Variants in ENPEP observed in about 807,000 individuals in gnomAD.
The protein encoded by ENPEP is AP-A.
ENPEP carries 103 observed loss-of-function variants against 114.5 expected under a neutral mutation model. The observed-to-expected ratio is 0.90, with a 90% CI of 0.77 to 1.06. ENPEP has a LOEUF of 1.06. ENPEP is among the 50% of genes least tolerant of loss of function. ENPEP has a pLI of 0.00. For missense variants in ENPEP, 1,196 were observed against 1,161.3 expected, an observed-to-expected ratio of 1.03 and a Z score of -0.43; for synonymous variants, 420 against 422.0, an observed-to-expected ratio of 1.00 and a Z score of 0.06.
intron 18 of ENPEP, among the ~76,000 whole-genome samples, chr4:110,554,641 G>A (rs1253482277): frequency 2.6e-5 from 4 of 151,962 alleles, no homozygotes; most frequent in African/African-American, 9.7e-5. Flanking sequence ...TACCTATTAA[G>A]AATATGTTAT....
chr4:110,516,957 T>A (rs967546803), intron 8 of ENPEP, among the ~76,000 whole-genome samples: 1 of 152,084 alleles, frequency 6.6e-6, no homozygotes, highest in Non-Finnish European at 1.5e-5. Context: ...ATTATTATTG[T>A]TATTGAGACA....
intron 10 of ENPEP, among the ~76,000 whole-genome samples, chr4:110,529,453 GT>G (rs953360463): frequency 1.5e-4 from 23 of 152,216 alleles, no homozygotes; most frequent in African/African-American, 5.5e-4. Context: ...GGAAAGATCA[GT>G]GGGGGAGCAG....
intron 1 of ENPEP, among the ~76,000 whole-genome samples, chr4:110,482,225 A>G (rs1410851796): frequency 6.6e-6 from 1 of 152,236 alleles, no homozygotes; most frequent in Non-Finnish European, 1.5e-5. Flanking sequence ...ATTTCAGGAT[A>G]GAGAAGAGAG....
At chr4:110,509,909 C>T in intron 5 of ENPEP, 102 bp downstream of exon 5, 2 of 1,390,414 alleles carry the variant, frequency 1.4e-6, no homozygotes, top group Non-Finnish European at 1.9e-6. Context: ...AAATAGCCAA[C>T]TCAGAAAAAC....
At chr4:110,482,941 G>A (rs574981352) in intron 1 of ENPEP, among the ~76,000 whole-genome samples, 1 of 152,192 alleles carries the variant, frequency 6.6e-6, no homozygotes, top group South Asian at 2.1e-4. Context: ...CCCAGGAGGC[G>A]GAGGTTGTAG....
At chr4:110,477,442 A>G (rs1290433742) in intron 1 of ENPEP, among the ~76,000 whole-genome samples, 1 of 152,224 alleles carries the variant, frequency 6.6e-6, no homozygotes, top group Non-Finnish European at 1.5e-5. Flanking sequence ...AGCAATATAT[A>G]TGAACTTTTA....
intron 11 of ENPEP, among the ~76,000 whole-genome samples, chr4:110,532,793 G>C (rs1272839020): frequency 6.6e-6 from 1 of 151,882 alleles, no homozygotes. Context: ...GTAATATCGT[G>C]ATCAAAAAAA....
At chr4:110,522,288 TCTC>T (rs1429133455) in intron 10 of ENPEP, among the ~76,000 whole-genome samples, 1 of 151,894 alleles carries the variant, frequency 6.6e-6, no homozygotes, top group Non-Finnish European at 1.5e-5. Flanking sequence ...TTCAAGCCGT[TCTC>T]CTCCCTCAGC....
intron 19 of ENPEP, among the ~76,000 whole-genome samples, chr4:110,561,170 A>G (rs1727663531): frequency 1.3e-5 from 2 of 152,194 alleles, no homozygotes. Context: ...ATCCTTCTCC[A>G]AAATGTCAGA....
chr4:110,513,893 C>A (rs2110357537), intron 7 of ENPEP, among the ~76,000 whole-genome samples: 1 of 152,096 alleles, frequency 6.6e-6, no homozygotes, highest in East Asian at 1.9e-4. Context: ...TCTATGTGGT[C>A]AACAAGAAAT....
At chr4:110,519,351 T>A (rs1392594865) in intron 8 of ENPEP, 1 of 229,562 alleles carries the variant, frequency 4.4e-6, no homozygotes, top group African/African-American at 2.2e-5. Context: ...CCACTTTCAG[T>A]CAGGACAATT....
chr4:110,551,522 C>T (rs1560570826), intron 17 of ENPEP, among the ~76,000 whole-genome samples: 2 of 152,114 alleles, frequency 1.3e-5, no homozygotes, highest in Admixed American at 6.6e-5. Context: ...GGCTGCAGTA[C>T]GAGCTTCCTT....
chr4:110,480,824 G>C (rs1408591133), intron 1 of ENPEP, among the ~76,000 whole-genome samples: 1 of 152,162 alleles, frequency 6.6e-6, no homozygotes, highest in East Asian at 1.9e-4. Flanking sequence ...GAAACATCCA[G>C]TCGCTTTTCC....
intron 8 of ENPEP, among the ~76,000 whole-genome samples, chr4:110,516,107 G>T (rs538227256): frequency 6.6e-6 from 1 of 152,048 alleles, no homozygotes; most frequent in African/African-American, 2.4e-5. Flanking sequence ...ATCTATAAAG[G>T]TCATTCCTTA....
rs748459903 is a variant in ENPEP at position 110,491,015 on chromosome 4, ATCTTT to A, written c.787-10_787-6del. 3.8e-6 allele frequency: 6 copies of A among 1,598,858 alleles called. No individual in the cohort carries two copies. In the African/African-American group the frequency reaches 5.4e-5, roughly 14 times the overall value. On this transcript the variant is annotated splice_polypyrimidine_tract_variant and intron_variant, in intron 2 of 19. Coordinates refer to ENST00000265162, the MANE Select transcript of ENPEP (RefSeq NM_001977.4). ...TTGATATTTTGATCGATAAAAGTTT[ATCTTT>A]TCTTTTCAATAGAAAGAAGAGTCAG...
chr4:110,485,296 T>C (rs528315037), intron 1 of ENPEP, among the ~76,000 whole-genome samples: 91 of 152,318 alleles, frequency 6.0e-4, no homozygotes, highest in South Asian at 2.7e-3. Flanking sequence ...CTTGGGTAAC[T>C]TTATTGTGAC....
At chr4:110,502,570 A>T (rs1415290585) in intron 3 of ENPEP, among the ~76,000 whole-genome samples, 1 of 152,118 alleles carries the variant, frequency 6.6e-6, no homozygotes, top group Non-Finnish European at 1.5e-5. Flanking sequence ...TTTGTTGAAG[A>T]TCAGATGGTT....
At chr4:110,480,739 G>A (rs1165465854) in intron 1 of ENPEP, among the ~76,000 whole-genome samples, 1 of 152,188 alleles carries the variant, frequency 6.6e-6, no homozygotes, top group Non-Finnish European at 1.5e-5. Flanking sequence ...GGGGAAGAAA[G>A]GGGACAAAAT....
At position 110,476,897 on chromosome 4, in the gene ENPEP, C is replaced by T. The variant is rs146450390; in HGVS notation, c.483C>T (p.Phe161=). The T allele has an allele frequency of 6.2e-7, 1 of 1,614,068 alleles. No homozygotes were observed. The change falls in exon 1 of 20, where the codon TTC becomes TTT. Residue 161 remains phenylalanine (F), a synonymous_variant. Transcript: ENST00000265162. ...ACCAGGTGCAAGTCCGGAGGTGTTTCGAGTACAAAAAGCAGGAGTACGTGG... is the reference window on the plus strand; with the variant it reads ...ACCAGGTGCAAGTCCGGAGGTGTTTTGAGTACAAAAAGCAGGAGTACGTGG... ...SGDQVQVRRC[F]EYKKQEYVVV... is the part of the protein sequence containing the mutation.
Sources: gnomAD v4.1 joint callset for allele counts (sites outside exome capture counted in the v4.1 genomes callset) on GRCh38, gnomAD v4.1.1 for gene constraint, MANE v1.5 for transcripts, NCBI Gene and HGNC (gene_info 2026-07-23, HGNC 2026-07-21) for gene names.